Variants in ZNF385A observed in about 807,000 individuals in gnomAD.
ZNF385A encodes the protein zinc finger protein 385A, also known as hematopoietic zinc finger protein.
A neutral mutation model predicts 32.1 loss-of-function variants in ZNF385A; 14 were observed. That is an observed-to-expected ratio of 0.44 (90% CI 0.29 to 0.68). ZNF385A has a LOEUF of 0.68. Ranked by LOEUF, ZNF385A falls within the 30% of genes least tolerant of loss-of-function variation. The pLI, the probability that ZNF385A is intolerant of heterozygous loss-of-function variation, is 0.14. For missense variants in ZNF385A, 406 were observed against 478.4 expected (o/e 0.85, Z 1.41); for synonymous variants, 197 against 202.7 (o/e 0.97, Z 0.24).
At position 54,371,059 on chromosome 12, in the gene ZNF385A, C is replaced by T; in HGVS notation, c.642G>A (p.Gly214=). ...GAGGGTAAGCTTTGATGGGCCCGAG[C>T]CCACTTCGGGCCTCCAGAATTGTCT... The part of the protein sequence containing the change: ...KHKTILEARS[G]LGPIKAYPRL... Residue 214 remains glycine (G), a synonymous_variant, in exon 5 of 7, where the codon GGG becomes GGA. Transcript: ENST00000394313. 2 of 1,613,054 alleles carry T rather than the reference C, an allele frequency of 1.2e-6. No homozygotes were observed. Among genetic ancestry groups the T allele is most frequent in the Non-Finnish European group, 1.7e-6 (2 of 1,179,540 alleles).
upstream of ZNF385A, chr12:54,385,065 G>A (rs1055395304): frequency 5.1e-5 from 10 of 194,854 alleles, no homozygotes; most frequent in African/African-American, 7.1e-5. Context: ...TCTCTCAGAT[G>A]CCCTAGAATT....
chr12:54,379,003 G>T (rs1016824152), intron 1 of ZNF385A: 88 of 962,498 alleles, frequency 9.1e-5, no homozygotes, highest in Non-Finnish European at 1.0e-4. Flanking sequence ...GGGCGGGGAC[G>T]GGGTGGGGGT....
Position 54,370,026 on chromosome 12 carries a change from G to T in ZNF385A, c.*230C>A. On this transcript the variant is annotated 3_prime_UTR_variant, in exon 7 of 7. Transcript: ENST00000394313. The surrounding 1 kb of genome is among the most constrained non-coding windows in gnomAD (Gnocchi z 5.5). The stretch of plus-strand genomic sequence containing the variant: ...GTGAGACGGCCCCCCCTTTTCTAGG[G>T]GAGAGGGAAAGGCAGGGGGCGGGGT... 4.8e-6 allele frequency: 2 copies of T among 416,016 alleles called. No individual in the cohort carries two copies. The highest frequency in any genetic ancestry group is 7.2e-5 in the East Asian group (2 of 27,972). 25.8% of individuals were successfully genotyped at this position (416,016 alleles called of 1,614,324 possible).
Position 54,369,907 on chromosome 12 carries a change from A to C in ZNF385A, c.*349T>G. ...TTTCTGTCCCCCCCGGACCCCGACC[A>C]TGGCTTGTGAACCCCGTTTTGTGCT... On this transcript the variant is annotated 3_prime_UTR_variant, in exon 7 of 7. Coordinates refer to ENST00000394313, the MANE Select transcript of ZNF385A (RefSeq NM_015481.3). 2 of 213,164 alleles carry C rather than the reference A, an allele frequency of 9.4e-6. No individual in the cohort carries two copies. Among genetic ancestry groups the C allele is most frequent in the Non-Finnish European group, 9.3e-6 (1 of 107,666 alleles). 13.2% of individuals were successfully genotyped at this position (213,164 alleles called of 1,614,324 possible).
intron 2 of ZNF385A, among the ~76,000 whole-genome samples, chr12:54,375,428 A>T (rs1477226889): frequency 6.6e-6 from 1 of 151,674 alleles, no homozygotes. Context: ...GCCAAGGAGG[A>T]GTTTAGCAGA....
chr12:54,373,311 TG>T (rs1954656788), intron 3 of ZNF385A, among the ~76,000 whole-genome samples: 2 of 152,212 alleles, frequency 1.3e-5, no homozygotes, highest in East Asian at 3.9e-4. Flanking sequence ...ACATCCGATG[TG>T]GTAATCCCAG....
intron 4 of ZNF385A, among the ~76,000 whole-genome samples, 185 bp from the exon 5 acceptor site, chr12:54,371,281 G>A (rs1262281972): frequency 1.3e-5 from 2 of 152,182 alleles, no homozygotes; most frequent in African/African-American, 4.8e-5. Flanking sequence ...CATAGGTAAA[G>A]GAGTAAGATG....
chr12:54,375,382 G>A (rs1954791885), intron 2 of ZNF385A, among the ~76,000 whole-genome samples: 1 of 151,908 alleles, frequency 6.6e-6, no homozygotes, highest in South Asian at 2.1e-4. Flanking sequence ...GGGGTGGAGA[G>A]AGAAGGAAGC....
At position 54,370,741 on chromosome 12, in the gene ZNF385A, G is replaced by T; in HGVS notation, c.775-20C>A. The T allele has an allele frequency of 1.3e-6, 2 of 1,578,844 alleles. No homozygotes were observed. The highest frequency in any genetic ancestry group is 2.2e-4 in the Middle Eastern group (1 of 4,588). ...GATGTGCTGCGGGGGCCAGTGGATA[G>T]GGGGCTGTGAGCTCCCGGAAAGGGG... On this transcript the variant is annotated intron_variant, in intron 5 of 6. Coordinates refer to ENST00000394313, the MANE Select transcript of ZNF385A (RefSeq NM_015481.3). The surrounding 1 kb of genome is among the most constrained non-coding windows in gnomAD (Gnocchi z 5.5).
intron 1 of ZNF385A, among the ~76,000 whole-genome samples, chr12:54,376,582 T>C (rs1334147559): frequency 2.0e-5 from 3 of 152,160 alleles, no homozygotes; most frequent in Admixed American, 2.0e-4. Flanking sequence ...TCATGGGGAC[T>C]AAATGGGGGG....
chr12:54,379,106 G>A (rs1372752041), intron 1 of ZNF385A: 1 of 981,612 alleles, frequency 1.0e-6, no homozygotes, highest in Admixed American at 6.2e-5. Flanking sequence ...GGCCCGGGGT[G>A]GCGGACCCGG....
intron 1 of ZNF385A, among the ~76,000 whole-genome samples, chr12:54,377,814 C>T (rs1275839071): frequency 6.6e-6 from 1 of 152,112 alleles, no homozygotes; most frequent in Non-Finnish European, 1.5e-5. Flanking sequence ...AACAGAAACT[C>T]AAGTTGGGCC....
At chr12:54,387,435 C>T (rs1444046057), upstream of ZNF385A, among the ~76,000 whole-genome samples, 1 of 152,186 alleles carries the variant, frequency 6.6e-6, no homozygotes, top group African/African-American at 2.4e-5. Flanking sequence ...GCTTTTGGGC[C>T]GGGTGGGCAG....
rs1424386032 is a variant in ZNF385A at position 54,384,485 on chromosome 12, G to A, written c.30C>T (p.Ile10=). The change falls in exon 1 of 7, where the codon ATC becomes ATT. Residue 10 remains isoleucine, a synonymous_variant. Coordinates refer to ENST00000394313, the MANE Select transcript of ZNF385A (RefSeq NM_015481.3). The stretch of plus-strand genomic sequence containing the variant: ...GGGCTGGCTCGAGTGGGAAGGGCAG[G>A]ATCTGCTTGAGGTCCAGTGGGGGCT... MQPPLDLKQ[I]LPFPLEPAPT... The A allele has an allele frequency of 3.8e-6, 6 of 1,583,624 alleles. No individual in the cohort carries two copies. In the South Asian group the frequency reaches 4.6e-5, roughly 12 times the overall value.
At chr12:54,374,388 C>T (rs1417234920) in intron 2 of ZNF385A, among the ~76,000 whole-genome samples, 1 of 114,718 alleles carries the variant, frequency 8.7e-6, no homozygotes, top group Non-Finnish European at 1.9e-5. Flanking sequence ...CACCCAGGGC[C>T]TGGCTGCTGA....
At chr12:54,371,125 G>T in intron 4 of ZNF385A, 29 bp from the exon 5 acceptor site, 1 of 1,554,196 alleles carries the variant, frequency 6.4e-7, no homozygotes, top group South Asian at 1.2e-5. Flanking sequence ...AGGAGGTAAG[G>T]GGTGGAAGAA....
chr12:54,384,407 G>A, intron 1 of ZNF385A, 21 bp downstream of exon 1: 1 of 1,565,016 alleles, frequency 6.4e-7, no homozygotes, highest in Non-Finnish European at 8.7e-7. Flanking sequence ...GGATGGAGAA[G>A]GCAGGCAGGC....
At chr12:54,390,900 G>A (rs1955621586) in intron 1 of ZNF385A, among the ~76,000 whole-genome samples, 1 of 151,800 alleles carries the variant, frequency 6.6e-6, no homozygotes. Context: ...CACCAGGCCA[G>A]GACCAGCCCC....
chr12:54,380,818 A>G (rs1955120456), intron 1 of ZNF385A, among the ~76,000 whole-genome samples: 1 of 152,218 alleles, frequency 6.6e-6, no homozygotes, highest in African/African-American at 2.4e-5. Flanking sequence ...ATGATTATGT[A>G]ATATGATCTC....
Sources: gnomAD v4.1 joint callset for allele counts (sites outside exome capture counted in the v4.1 genomes callset) on GRCh38, gnomAD v4.1.1 for gene constraint, Gnocchi (gnomAD v3.1) non-coding constraint, MANE v1.5 for transcripts, NCBI Gene and HGNC (gene_info 2026-07-23, HGNC 2026-07-21) for gene names.